BCAS3: variants seen among roughly 807,000 people sequenced by gnomAD.
The protein encoded by BCAS3 is BCAS3 microtubule associated cell migration factor, also known as BCAS4/BCAS3 fusion.
BCAS3 carries 53 observed loss-of-function variants against 116.1 expected under a neutral mutation model. That is an observed-to-expected ratio of 0.46 (90% CI 0.37 to 0.57). BCAS3 has a LOEUF of 0.57. Ranked by LOEUF, BCAS3 falls within the 20% of genes least tolerant of loss-of-function variation. The probability of loss-of-function intolerance (pLI) is 0.00; values close to 1 mark genes in which losing one functional copy is unlikely to be tolerated. For missense variants in BCAS3, 917 were observed against 1,165.4 expected (o/e 0.79, Z 3.10); for synonymous variants, 391 against 408.2 (o/e 0.96, Z 0.51).
Position 61,015,862 on chromosome 17 carries a change from A to G in BCAS3, c.1598A>G (p.Lys533Arg). 1 of 1,614,164 alleles carries G rather than the reference A, an allele frequency of 6.2e-7. No homozygotes were observed. Among genetic ancestry groups the G allele is most frequent in the Non-Finnish European group, 8.5e-7 (1 of 1,179,990 alleles). The stretch of plus-strand genomic sequence containing the variant: ...GTAGTGATGCCTCTTGCACAAATCA[A>G]GCAGCCAATGACATTGGGGACCATC... Reference protein sequence around the residue: ...LMVVMPLAQIKQPMTLGTITK... With the variant: ...LMVVMPLAQIRQPMTLGTITK... Residue 533 changes from lysine to arginine, a missense_variant, in exon 16 of 24, where the codon AAG becomes AGG. Lys to Arg is a conservative substitution (Grantham distance 26). Coordinates refer to ENST00000407086, the MANE Select transcript of BCAS3 (RefSeq NM_017679.5).
At chr17:60,692,940 C>G (rs1261100124) in intron 4 of BCAS3, among the ~76,000 whole-genome samples, 1 of 149,478 alleles carries the variant, frequency 6.7e-6, no homozygotes, top group African/African-American at 2.5e-5. Context: ...CAAACTGAAA[C>G]TAAGTTGTTA....
rs928245922 is a variant in BCAS3, at chr17:60,990,973, G to A, written c.1486+738G>A. Among the ~76,000 whole-genome samples the A allele has an allele frequency of 5.3e-5, 8 of 152,068 alleles. No homozygotes were observed. Among genetic ancestry groups the A allele is most frequent in the African/African-American group, 1.9e-4 (8 of 41,400 alleles). ...CATTTTATTTTAAAATGGGATTGGCGGGATTTCTGCTGTGTATCTCAGTAA... is the reference window on the plus strand; with the variant it reads ...CATTTTATTTTAAAATGGGATTGGCAGGATTTCTGCTGTGTATCTCAGTAA... On this transcript the variant is annotated intron_variant, in intron 15 of 23. Transcript: ENST00000407086. The surrounding 1 kb of genome is among the most constrained non-coding windows in gnomAD (Gnocchi z 5.1).
At chr17:60,895,327 G>GTTTTTCAGATTTTCAGTGTATAGC (rs1452836930) in intron 10 of BCAS3, among the ~76,000 whole-genome samples, 8 of 152,080 alleles carry the variant, frequency 5.3e-5, no homozygotes, top group African/African-American at 1.9e-4. Context: ...TTTCCTCTAG[G>GTTTTTCAGATTTTCAGTGTATAGC]TTTTTCAGAT....
intron 12 of BCAS3, among the ~76,000 whole-genome samples, chr17:60,921,529 C>T (rs997287502): frequency 6.9e-6 from 1 of 145,840 alleles, no homozygotes; most frequent in African/African-American, 2.5e-5. Flanking sequence ...AGGAGAATGG[C>T]GTGAACCCGG....
At chr17:61,374,386 G>T (rs1210908383) in intron 23 of BCAS3, among the ~76,000 whole-genome samples, 1 of 151,966 alleles carries the variant, frequency 6.6e-6, no homozygotes, top group African/African-American at 2.4e-5. Context: ...GGCCAGGCTG[G>T]TCTCAAACTC....
At chr17:60,862,238 G>A (rs2054219323) in intron 7 of BCAS3, among the ~76,000 whole-genome samples, 1 of 152,130 alleles carries the variant, frequency 6.6e-6, no homozygotes, top group African/African-American at 2.4e-5. Flanking sequence ...AGCCTAGATT[G>A]CACCACTGCA....
chr17:61,129,875 A>G (rs2076239383), intron 22 of BCAS3, among the ~76,000 whole-genome samples: 2 of 152,236 alleles, frequency 1.3e-5, no homozygotes, highest in South Asian at 2.1e-4. Flanking sequence ...GTAATTTCTC[A>G]CAGCAGATCA....
At chr17:60,718,252 A>T (rs1487947613) in intron 5 of BCAS3, among the ~76,000 whole-genome samples, 1 of 150,034 alleles carries the variant, frequency 6.7e-6, no homozygotes, top group South Asian at 2.1e-4. Context: ...ATTTTACTAT[A>T]CTTTTTTTTT....
intron 22 of BCAS3, among the ~76,000 whole-genome samples, chr17:61,319,341 C>T (rs1470351573): frequency 6.6e-6 from 1 of 152,208 alleles, no homozygotes; most frequent in Non-Finnish European, 1.5e-5. Context: ...CTACATTAAA[C>T]TCCATTATAT....
rs1359854658 is a variant in BCAS3 at position 61,194,542 on chromosome 17, C to CA, written c.2425+109979dup. Among the ~76,000 whole-genome samples the CA allele has an allele frequency of 2.5e-4, 38 of 152,128 alleles. No individual in the cohort carries two copies. In the East Asian group the frequency reaches 6.0e-3, roughly 24 times the overall value. ...TCACCTGAGGTCGGGAGTTCGAGAC[C>CA]AGCCTGGCCAATATGGTGAAACCCT... On this transcript the variant is annotated intron_variant, in intron 22 of 23. Transcript: ENST00000407086.
chr17:60,902,514 C>G, intron 10 of BCAS3, 106 bp from the exon 11 acceptor site: 3 of 872,348 alleles, frequency 3.4e-6, no homozygotes, highest in Non-Finnish European at 5.5e-6. Context: ...ACATTCCCAC[C>G]CATCACCATC....
At position 60,895,518 on chromosome 17, in the gene BCAS3, C is replaced by G. The variant is rs560406083; in HGVS notation, c.738+5747C>G. On this transcript the variant is annotated intron_variant, in intron 10 of 23. Transcript: ENST00000407086. ...AAGAACCAATTTTTTATTCATTGATCTTTTGTATTGTTTCATTAGTCTATT... is the reference window on the plus strand; with the variant it reads ...AAGAACCAATTTTTTATTCATTGATGTTTTGTATTGTTTCATTAGTCTATT... 2.2e-4 allele frequency among the ~76,000 whole-genome samples: 33 copies of G among 151,798 alleles called. No homozygotes were observed. In the South Asian group the frequency reaches 6.8e-3, roughly 31 times the overall value.
intron 4 of BCAS3, among the ~76,000 whole-genome samples, chr17:60,692,566 GCAT>G (rs2034988949): frequency 2.0e-5 from 3 of 151,824 alleles, no homozygotes; most frequent in African/African-American, 7.3e-5. Context: ...TTATTATCAT[GCAT>G]GTTGAATATT....
rs1490642476 is a variant in BCAS3 at position 61,029,016 on chromosome 17, C to G, written c.1638-5650C>G. ...TGTTTTAATAGTTTTTGCTATTTTT[C>G]CATGTTATTTAGCATTCAACCTGAG... On this transcript the variant is annotated intron_variant, in intron 16 of 23. Transcript: ENST00000407086. The surrounding 1 kb of genome is among the most constrained non-coding windows in gnomAD (Gnocchi z 5.2). Among the ~76,000 whole-genome samples the G allele has an allele frequency of 6.6e-5, 10 of 151,726 alleles. No individual in the cohort carries two copies. The highest frequency in any genetic ancestry group is 6.6e-4 in the Admixed American group (10 of 15,214).
rs542582405 is a variant in BCAS3 at position 61,310,727 on chromosome 17, C to T, written c.2426-57600C>T. On this transcript the variant is annotated intron_variant, in intron 22 of 23. Transcript: ENST00000407086. ...TGAAGGGGGGCAGGCCTCTGTGCCC[C>T]GCCCTCCAAGAGCTCACCATCTAGT... 7.9e-5 allele frequency among the ~76,000 whole-genome samples: 12 copies of T among 152,270 alleles called. No homozygotes were observed. In the East Asian group the frequency reaches 1.7e-3, roughly 22 times the overall value.
At chr17:60,806,700 G>A (rs746179377) in intron 6 of BCAS3, among the ~76,000 whole-genome samples, 2 of 152,024 alleles carry the variant, frequency 1.3e-5, no homozygotes, top group Non-Finnish European at 2.9e-5. Flanking sequence ...CTACAGGAGT[G>A]TGCCACCATA....
In BCAS3 at chr17:61,106,057, A is replaced by G. The variant is rs2074627476; in HGVS notation, c.2425+21493A>G. On this transcript the variant is annotated intron_variant, in intron 22 of 23. Coordinates refer to ENST00000407086, the MANE Select transcript of BCAS3 (RefSeq NM_017679.5). The surrounding 1 kb of genome is among the most constrained non-coding windows in gnomAD (Gnocchi z 4.2). ...GCAGCCGTCTTGGTTGCAGTATTACAGTGCTTGTATTCAGGTAACCTTTAT... is the reference window on the plus strand; with the variant it reads ...GCAGCCGTCTTGGTTGCAGTATTACGGTGCTTGTATTCAGGTAACCTTTAT... Among the ~76,000 whole-genome samples the G allele has an allele frequency of 6.6e-6, 1 of 152,188 alleles. No homozygotes were observed.
At chr17:61,284,241 C>T (rs2051514354) in intron 22 of BCAS3, among the ~76,000 whole-genome samples, 1 of 152,186 alleles carries the variant, frequency 6.6e-6, no homozygotes, top group Non-Finnish European at 1.5e-5. Context: ...CCCACACCAG[C>T]AGTCGCAAAC....
chr17:60,902,954 T>G (rs1256193821), intron 11 of BCAS3, among the ~76,000 whole-genome samples: 2 of 152,220 alleles, frequency 1.3e-5, no homozygotes, highest in African/African-American at 4.8e-5. Context: ...CTGACATCCC[T>G]TTGCATCTTT....
Sources: allele counts gnomAD v4.1 joint callset (sites outside exome capture counted in the v4.1 genomes callset), GRCh38; gene constraint gnomAD v4.1.1; non-coding constraint Gnocchi (gnomAD v3.1); transcripts MANE v1.5; gene names NCBI Gene and HGNC (gene_info 2026-07-23, HGNC 2026-07-21).